Variants in PALD1 observed in about 807,000 individuals in gnomAD.
The protein encoded by PALD1 is phosphatase domain containing paladin 1.
PALD1 carries 57 observed loss-of-function variants against 96.0 expected under a neutral mutation model. The observed-to-expected ratio is 0.59, with a 90% CI of 0.48 to 0.74. PALD1 has a LOEUF of 0.74. Ranked by LOEUF, PALD1 falls within the 30% of genes least tolerant of loss-of-function variation. The pLI, the probability that PALD1 is intolerant of heterozygous loss-of-function variation, is 0.00. For missense variants in PALD1, 1,063 were observed against 1,143.7 expected, an observed-to-expected ratio of 0.93 and a Z score of 1.02; for synonymous variants, 464 against 473.6, an observed-to-expected ratio of 0.98 and a Z score of 0.26.
intron 18 of PALD1, among the ~76,000 whole-genome samples, chr10:70,556,432 C>T (rs756381717): frequency 2.0e-5 from 3 of 152,074 alleles, no homozygotes; most frequent in Non-Finnish European, 2.9e-5. Flanking sequence ...TCTCCTGCCT[C>T]GGCCTCCAGA....
At chr10:70,565,884 C>T (rs1271383398) in intron 19 of PALD1, among the ~76,000 whole-genome samples, 1 of 152,124 alleles carries the variant, frequency 6.6e-6, no homozygotes, top group Non-Finnish European at 1.5e-5. Context: ...GATCCCCTCC[C>T]CAGCTGAATC....
Position 70,566,829 on chromosome 10 carries a change from C to A in PALD1, c.*96C>A. 1.3e-6 allele frequency: 1 copy of A among 761,174 alleles called. No homozygotes were observed. The allele number at this position is 761,174 out of a possible 1,614,324, so 47.2% of individuals were successfully genotyped here. A position where few individuals can be genotyped will look rare whatever the true frequency, so the allele number is the denominator to read the frequency against. ...TGGGAGCGGCCCTGAGGGGTGCTGG[C>A]CTTGAAATGATTCCCCCACTTCCTG... On this transcript the variant is annotated 3_prime_UTR_variant, in exon 20 of 20. Transcript: ENST00000263563.
Position 70,525,950 on chromosome 10 carries a change from C to T in PALD1, c.-2C>T. 47 of 1,614,070 alleles carry T rather than the reference C, an allele frequency of 2.9e-5. No individual in the cohort carries two copies. The highest frequency in any genetic ancestry group is 4.0e-5 in the Non-Finnish European group (47 of 1,180,008). On this transcript the variant is annotated 5_prime_UTR_variant, in exon 2 of 20. Transcript: ENST00000263563. ...CTGGGGTCCTGAGGCTGCTGGCAGACTATGGGTACAACGGCCAGCACAGCC... is the reference window on the plus strand; with the variant it reads ...CTGGGGTCCTGAGGCTGCTGGCAGATTATGGGTACAACGGCCAGCACAGCC...
intron 12 of PALD1, among the ~76,000 whole-genome samples, chr10:70,538,663 C>G (rs1226777388): frequency 1.3e-5 from 2 of 152,236 alleles, no homozygotes; most frequent in Non-Finnish European, 2.9e-5. Context: ...GTTCTATGAT[C>G]TTTGCCTCCA....
chr10:70,469,942 C>A, the PALD1 span, among the ~76,000 whole-genome samples: 2 of 152,016 alleles, frequency 1.3e-5, no homozygotes, highest in African/African-American at 4.8e-5. Flanking sequence ...TACAGGCGCC[C>A]GCCACCGTGC....
intron 18 of PALD1, among the ~76,000 whole-genome samples, chr10:70,552,274 G>C (rs1164043639): frequency 6.6e-6 from 1 of 152,228 alleles, no homozygotes; most frequent in African/African-American, 2.4e-5. Context: ...GCAGTGAGTG[G>C]AAGTACTGTT....
At chr10:70,479,643 C>T (rs4746039) in intron 1 of PALD1, among the ~76,000 whole-genome samples, 31 of 151,944 alleles carry the variant, frequency 2.0e-4, no homozygotes, top group African/African-American at 7.0e-4. Context: ...ATGGGAGACC[C>T]GGCTCCTGAA....
At chr10:70,472,059 G>A in the PALD1 span, among the ~76,000 whole-genome samples, 45 of 152,308 alleles carry the variant, frequency 3.0e-4, no homozygotes, top group Non-Finnish European at 5.7e-4. Context: ...GTGCCCACTA[G>A]CCCAGAGCAG....
At chr10:70,525,901 T>G (rs1465676842) in intron 1 of PALD1, 22 bp from the exon 2 acceptor site, 1 of 1,601,928 alleles carries the variant, frequency 6.2e-7, no homozygotes, top group Non-Finnish European at 8.5e-7. Context: ...CCTCCTTCAC[T>G]GCACACCCTC....
chr10:70,540,541 C>T lies in PALD1; in HGVS notation c.1909-561C>T, dbSNP rs942854819. Among the ~76,000 whole-genome samples, 2 of 151,672 alleles carry T rather than the reference C, an allele frequency of 1.3e-5. No individual in the cohort carries two copies. The highest frequency in any genetic ancestry group is 2.4e-5 in the African/African-American group (1 of 41,234). ...TGTGTTGTAGGTGAGCCACCGTGTGCGTGGTGCGTGTGTTGTAGGTGGGTC... is the reference window on the plus strand; with the variant it reads ...TGTGTTGTAGGTGAGCCACCGTGTGTGTGGTGCGTGTGTTGTAGGTGGGTC... On this transcript the variant is annotated intron_variant, in intron 15 of 19. Coordinates refer to ENST00000263563, the MANE Select transcript of PALD1 (RefSeq NM_014431.3). The surrounding 1 kb of genome is among the most constrained non-coding windows in gnomAD (Gnocchi z 4.2).
intron 1 of PALD1, among the ~76,000 whole-genome samples, chr10:70,511,641 G>A (rs940932164): frequency 2.6e-4 from 40 of 152,214 alleles, no homozygotes; most frequent in African/African-American, 8.9e-4. Flanking sequence ...GGCATCTGGT[G>A]CAGGCCTTCT....
chr10:70,478,027 G>A (rs1167037658), upstream of PALD1, among the ~76,000 whole-genome samples: 4 of 151,418 alleles, frequency 2.6e-5, no homozygotes, highest in Admixed American at 6.6e-5. Flanking sequence ...TAGTCCGCGC[G>A]TGTGGGGTGA....
At chr10:70,501,323 C>T (rs1288184380) in intron 1 of PALD1, among the ~76,000 whole-genome samples, 2 of 152,208 alleles carry the variant, frequency 1.3e-5, no homozygotes, top group East Asian at 3.9e-4. Context: ...CCTGGGCCTC[C>T]ATGGAACCTG....
chr10:70,502,594 G>A (rs1846319983), intron 1 of PALD1, among the ~76,000 whole-genome samples: 1 of 152,168 alleles, frequency 6.6e-6, no homozygotes. Context: ...GGACGTCATT[G>A]TGTAGTCATG....
chr10:70,472,602 G>C, the PALD1 span, among the ~76,000 whole-genome samples: 1 of 152,128 alleles, frequency 6.6e-6, no homozygotes, highest in Non-Finnish European at 1.5e-5. Context: ...GGGACGGAAG[G>C]GGTGACAGCC....
At chr10:70,504,705 C>G (rs1213202365) in intron 1 of PALD1, among the ~76,000 whole-genome samples, 1 of 152,200 alleles carries the variant, frequency 6.6e-6, no homozygotes, top group African/African-American at 2.4e-5. Context: ...TCTGGCTTAA[C>G]AGAAGACAGC....
intron 1 of PALD1, among the ~76,000 whole-genome samples, chr10:70,502,949 C>T (rs972403681): frequency 2.6e-5 from 4 of 152,126 alleles, no homozygotes; most frequent in African/African-American, 4.8e-5. Context: ...GGCGTGATCT[C>T]GGCTCACTGC....
intron 1 of PALD1, among the ~76,000 whole-genome samples, chr10:70,486,499 A>G (rs1031289790): frequency 1.3e-5 from 2 of 152,058 alleles, no homozygotes; most frequent in African/African-American, 4.8e-5. Flanking sequence ...TGTGGCTCAC[A>G]CCTGTAATCC....
At chr10:70,547,684 G>A (rs1264212120) in intron 18 of PALD1, among the ~76,000 whole-genome samples, 2 of 152,174 alleles carry the variant, frequency 1.3e-5, no homozygotes, top group African/African-American at 4.8e-5. Context: ...GCATGCAGGG[G>A]CCATGTTCAA....
Sources: gnomAD v4.1 joint callset for allele counts (sites outside exome capture counted in the v4.1 genomes callset) on GRCh38, gnomAD v4.1.1 for gene constraint, Gnocchi (gnomAD v3.1) non-coding constraint, MANE v1.5 for transcripts, NCBI Gene and HGNC (gene_info 2026-07-23, HGNC 2026-07-21) for gene names.